MALRD1: variants seen among roughly 807,000 people sequenced by gnomAD.
The protein encoded by MALRD1 is MAM and LDL receptor class A domain containing 1.
In MALRD1, 247 loss-of-function variants were observed where a neutral mutation model predicts 242.1. The observed-to-expected ratio is 1.02, with a 90% CI of 0.92 to 1.13. MALRD1 has a LOEUF of 1.13. MALRD1 is among the 50% of genes most tolerant of loss of function. The pLI, the probability that MALRD1 is intolerant of heterozygous loss-of-function variation, is 0.00. For missense variants in MALRD1, 2,989 were observed against 2,533.1 expected (o/e 1.18, Z -3.86); for synonymous variants, 995 against 866.6 (o/e 1.15, Z -2.60).
chr10:19,638,101 CAA>C (rs56865342), intron 36 of MALRD1, among the ~76,000 whole-genome samples: 375 of 41,852 alleles, frequency 9.0e-3, no homozygotes, highest in African/African-American at 0.021. Flanking sequence ...AACTCACTCT[CAA>C]AAAAAAAAAA....
intron 35 of MALRD1, among the ~76,000 whole-genome samples, chr10:19,615,223 A>G (rs868087675): frequency 9.9e-5 from 15 of 152,024 alleles, no homozygotes; most frequent in Admixed American, 3.9e-4. Flanking sequence ...TTATATGTCA[A>G]TTAATAAAAA....
chr10:19,118,777 G>C (rs1165112176), intron 5 of MALRD1, among the ~76,000 whole-genome samples: 1 of 152,152 alleles, frequency 6.6e-6, no homozygotes, highest in Non-Finnish European at 1.5e-5. Flanking sequence ...CCATTCAGAT[G>C]GTTGGGGCTT....
At chr10:19,519,605 C>A (rs1466918948) in intron 31 of MALRD1, among the ~76,000 whole-genome samples, 1 of 151,838 alleles carries the variant, frequency 6.6e-6, no homozygotes, top group Non-Finnish European at 1.5e-5. Flanking sequence ...CCTGTTGCTA[C>A]AATTTTTTTT....
At chr10:19,549,253 G>A (rs1835378275) in intron 32 of MALRD1, among the ~76,000 whole-genome samples, 1 of 152,210 alleles carries the variant, frequency 6.6e-6, no homozygotes. Flanking sequence ...GCAAAGTGAA[G>A]CAGAAAGTGC....
intron 28 of MALRD1, among the ~76,000 whole-genome samples, chr10:19,439,805 C>A (rs1467792978): frequency 1.3e-5 from 2 of 151,362 alleles, no homozygotes; most frequent in East Asian, 1.9e-4. Flanking sequence ...ACTTTTTATC[C>A]TCCTTCCCCA....
rs1441276980 is a variant in MALRD1, at chr10:19,286,784, A to C, written c.3419+3603A>C. ...CATTCCTTCTGAAACTATTCCAATC[A>C]ATAGAAAAGGAGGGAATCCTCCCTA... On this transcript the variant is annotated intron_variant, in intron 21 of 39. Coordinates refer to ENST00000454679, the MANE Select transcript of MALRD1 (RefSeq NM_001142308.3). 2.0e-5 allele frequency among the ~76,000 whole-genome samples: 3 copies of C among 151,582 alleles called. No individual in the cohort carries two copies. The East Asian group carries it at 5.8e-4, about 29-fold the overall frequency.
intron 19 of MALRD1, among the ~76,000 whole-genome samples, chr10:19,264,613 C>A (rs1047522995): frequency 6.6e-6 from 1 of 152,018 alleles, no homozygotes; most frequent in Non-Finnish European, 1.5e-5. Context: ...ACCACCATGC[C>A]CAGCTAATTT....
chr10:19,514,819 T>A (rs142864853), intron 31 of MALRD1, among the ~76,000 whole-genome samples: 99 of 152,294 alleles, frequency 6.5e-4, no homozygotes, highest in African/African-American at 2.3e-3. Context: ...TACAATTTTC[T>A]ACTAAAGGCA....
intron 1 of MALRD1, among the ~76,000 whole-genome samples, chr10:19,060,034 C>T (rs554542434): frequency 3.3e-5 from 5 of 152,174 alleles, no homozygotes; most frequent in Non-Finnish European, 5.9e-5. Context: ...TTAAATCGTG[C>T]ATTGTCTAGT....
intron 28 of MALRD1, among the ~76,000 whole-genome samples, chr10:19,418,597 T>A (rs148147586): frequency 1.7e-3 from 252 of 152,312 alleles, no homozygotes; most frequent in African/African-American, 5.1e-3. Flanking sequence ...GTTATGATCA[T>A]ATGATTTTCC....
Position 19,175,259 on chromosome 10 carries a change from G to A in MALRD1, c.1882G>A (p.Asp628Asn). Residue 628 changes from aspartate to asparagine, a missense_variant, in exon 14 of 40, where the codon GAC becomes AAC. Physicochemically the swap from Asp to Asn is conservative, Grantham distance 23. Coordinates refer to ENST00000454679, the MANE Select transcript of MALRD1 (RefSeq NM_001142308.3). ...GTCAAATGCTACCGTTGCTCTAGAT[G>A]ACATCAGTGTGTCCCAGGAATGTGA... ...LSSNATVALDDISVSQECEIS... is the reference protein window; with the variant it reads ...LSSNATVALDNISVSQECEIS... The A allele has an allele frequency of 8.1e-7, 1 of 1,230,470 alleles. No homozygotes were observed. The highest frequency in any genetic ancestry group is 1.0e-6 in the Non-Finnish European group (1 of 987,200). The allele number at this position is 1,230,470 out of a possible 1,614,324, so 76.2% of individuals were successfully genotyped here.
In MALRD1 at chr10:19,238,593, T is replaced by A. The variant is rs530649475; in HGVS notation, c.2992-19091T>A. 3.9e-4 allele frequency among the ~76,000 whole-genome samples: 39 copies of A among 101,036 alleles called. 1 individual carries two copies. The South Asian group carries it at 7.5e-3, about 19-fold the overall frequency. 66.3% of individuals were successfully genotyped at this position (101,036 alleles called of 152,430 possible). ...ATACATAATGTATATTATATATATA[T>A]AATTCACTTGTTTGTTTTTAGACAC... On this transcript the variant is annotated intron_variant, in intron 18 of 39. Coordinates refer to ENST00000454679, the MANE Select transcript of MALRD1 (RefSeq NM_001142308.3).
intron 21 of MALRD1, among the ~76,000 whole-genome samples, chr10:19,319,359 T>C (rs535615413): frequency 1.3e-5 from 2 of 152,252 alleles, no homozygotes; most frequent in South Asian, 2.1e-4. Flanking sequence ...AACTAACTTA[T>C]TCAGTTCATT....
At chr10:19,489,150 A>G (rs566869157) in intron 29 of MALRD1, 3 of 468,730 alleles carry the variant, frequency 6.4e-6, no homozygotes, top group South Asian at 3.1e-5. Flanking sequence ...GAAAAGCCTA[A>G]CAGGAGGTCA....
chr10:19,670,093 A>AACAC (rs763927834), intron 36 of MALRD1, among the ~76,000 whole-genome samples: 1 of 115,112 alleles, frequency 8.7e-6, no homozygotes, highest in Non-Finnish European at 1.9e-5. Context: ...CACACACACA[A>AACAC]ACACACACAC....
At chr10:19,678,844 A>C (rs975774365) in intron 36 of MALRD1, among the ~76,000 whole-genome samples, 1 of 152,110 alleles carries the variant, frequency 6.6e-6, no homozygotes, top group Non-Finnish European at 1.5e-5. Context: ...GTTTATTGAG[A>C]GGTTTTAACA....
At chr10:19,125,345 CTTT>C (rs1564408043) in intron 7 of MALRD1, among the ~76,000 whole-genome samples, 8 of 96,816 alleles carry the variant, frequency 8.3e-5, no homozygotes, top group African/African-American at 3.4e-4. Context: ...TTCTTTCTTT[CTTT>C]CTTTCTTTCT....
rs1833618212 is a variant in MALRD1, at chr10:19,419,063, G to GC, written c.4845+29454_4845+29455insC. Among the ~76,000 whole-genome samples the GC allele has an allele frequency of 2.6e-5, 4 of 152,248 alleles. No homozygotes were observed. In the South Asian group the frequency reaches 8.3e-4, roughly 32 times the overall value. ...ACAGAGGATGAACTCAACCATTTCA[G>GC]TATGCACACCCTTCTCCAGCTAACC... On this transcript the variant is annotated intron_variant, in intron 28 of 39. Transcript: ENST00000454679.
intron 14 of MALRD1, among the ~76,000 whole-genome samples, chr10:19,179,301 A>G (rs980356006): frequency 3.3e-5 from 5 of 152,232 alleles, no homozygotes; most frequent in Non-Finnish European, 5.9e-5. Flanking sequence ...CATCTGCTGT[A>G]TAACATGGTA....
Sources: gnomAD v4.1 joint callset for allele counts (sites outside exome capture counted in the v4.1 genomes callset) on GRCh38, gnomAD v4.1.1 for gene constraint, MANE v1.5 for transcripts, NCBI Gene and HGNC (gene_info 2026-07-23, HGNC 2026-07-21) for gene names.